Variants in AOAH observed in about 807,000 individuals in gnomAD.
AOAH encodes acyloxyacyl hydrolase (neutrophil).
AOAH carries 64 observed loss-of-function variants against 92.2 expected under a neutral mutation model. The observed-to-expected ratio is 0.69, with a 90% CI of 0.57 to 0.86. The LOEUF (loss-of-function observed/expected upper bound fraction) is 0.86, where lower values mean the gene tolerates loss of function less well. AOAH is among the 40% of genes least tolerant of loss of function. The pLI is 0.00. For synonymous variants in AOAH, 263 were observed against 254.5 expected, an observed-to-expected ratio of 1.03 and a Z score of -0.32; for missense variants, 656 against 694.6, an observed-to-expected ratio of 0.94 and a Z score of 0.62.
At chr7:36,523,477 C>T (rs766668154) in intron 19 of AOAH, among the ~76,000 whole-genome samples, 26 of 152,158 alleles carry the variant, frequency 1.7e-4, no homozygotes, top group Non-Finnish European at 3.5e-4. Flanking sequence ...GCTTAAACAG[C>T]ACTCACTCTC....
intron 2 of AOAH, among the ~76,000 whole-genome samples, chr7:36,678,174 G>A (rs1796377614): frequency 6.6e-6 from 1 of 152,140 alleles, no homozygotes; most frequent in Admixed American, 6.5e-5. Flanking sequence ...TTTTAGGGGT[G>A]CTACTGTGGA....
intron 9 of AOAH, 95 bp downstream of exon 9, chr7:36,620,686 G>T: frequency 8.2e-7 from 1 of 1,223,854 alleles, no homozygotes; most frequent in Non-Finnish European, 1.2e-6. Context: ...GGCTGTCATA[G>T]TCTTCCCTGG....
At chr7:36,710,224 T>G (rs1798674225) in intron 1 of AOAH, among the ~76,000 whole-genome samples, 1 of 152,172 alleles carries the variant, frequency 6.6e-6, no homozygotes, top group Non-Finnish European at 1.5e-5. Context: ...AATTAAGGAC[T>G]CCAATCAGTT....
chr7:36,516,267 C>T lies in AOAH; in HGVS notation c.1600-2887G>A, dbSNP rs929294256. Among the ~76,000 whole-genome samples the T allele has an allele frequency of 4.0e-5, 6 of 150,430 alleles. No homozygotes were observed. The highest frequency in any genetic ancestry group is 1.5e-4 in the African/African-American group (6 of 40,852). ...ACAGATACCACCACATGCACACTCA[C>T]CACATACACATATAACATACACACA... On this transcript the variant is annotated intron_variant, in intron 20 of 20. Coordinates refer to ENST00000617537, the MANE Select transcript of AOAH (RefSeq NM_001637.4). This position sits in a 1 kb window ranked among gnomAD's most constrained non-coding sequence, Gnocchi z 5.0.
chr7:36,583,480 C>T (rs1045849632), intron 12 of AOAH, among the ~76,000 whole-genome samples: 6 of 152,102 alleles, frequency 3.9e-5, no homozygotes, highest in African/African-American at 7.2e-5. Context: ...TAACCCCTAA[C>T]TCACTACATC....
chr7:36,616,346 C>A (rs750081734), intron 11 of AOAH, 34 bp downstream of exon 11: 12 of 1,548,832 alleles, frequency 7.7e-6, no homozygotes, highest in South Asian at 3.4e-5. Flanking sequence ...CAAAGGCCAG[C>A]ACATCTGGAA....
At chr7:36,655,376 C>T (rs1794820059) in intron 4 of AOAH, among the ~76,000 whole-genome samples, 1 of 150,288 alleles carries the variant, frequency 6.7e-6, no homozygotes, top group Non-Finnish European at 1.5e-5. Flanking sequence ...AGAAGGTGAC[C>T]ATTGACATGA....
intron 6 of AOAH, among the ~76,000 whole-genome samples, chr7:36,627,599 C>A (rs11973183): frequency 0.016 from 2,459 of 151,918 alleles, 51 homozygotes; most frequent in African/African-American, 0.056. Context: ...CAATGGGAAC[C>A]CTGATTGCAA....
intron 13 of AOAH, among the ~76,000 whole-genome samples, chr7:36,557,512 C>G (rs1402453078): frequency 6.6e-6 from 1 of 152,062 alleles, no homozygotes; most frequent in Non-Finnish European, 1.5e-5. Context: ...TCTGTATTTC[C>G]TGAATCTGAA....
chr7:36,673,766 G>A (rs1167022680), intron 3 of AOAH, among the ~76,000 whole-genome samples, 177 bp downstream of exon 3: 1 of 152,164 alleles, frequency 6.6e-6, no homozygotes, highest in Non-Finnish European at 1.5e-5. Context: ...TTTGCGTAGA[G>A]TGACGAAGGA....
At chr7:36,671,477 A>G (rs1795920352) in intron 3 of AOAH, among the ~76,000 whole-genome samples, 2 of 152,366 alleles carry the variant, frequency 1.3e-5, no homozygotes, top group South Asian at 4.1e-4. Context: ...AGAAAAGTAA[A>G]TGGATAATTC....
chr7:36,718,348 C>T (rs778020536), intron 1 of AOAH, among the ~76,000 whole-genome samples: 14 of 152,012 alleles, frequency 9.2e-5, no homozygotes, highest in Admixed American at 3.3e-4. Flanking sequence ...TTTCATACAC[C>T]GCTGGTAGAA....
At chr7:36,642,163 A>C (rs1793960228) in intron 4 of AOAH, among the ~76,000 whole-genome samples, 1 of 151,934 alleles carries the variant, frequency 6.6e-6, no homozygotes, top group Non-Finnish European at 1.5e-5. Context: ...TTGATGCAAA[A>C]GTAATTGCGG....
intron 13 of AOAH, among the ~76,000 whole-genome samples, chr7:36,551,131 TG>T (rs1381411658): frequency 1.1e-4 from 17 of 150,266 alleles, no homozygotes; most frequent in Non-Finnish European, 1.2e-4. Context: ...TGGAGTGCAG[TG>T]GTGCGATCTT....
At chr7:36,721,964 C>T (rs940590064) in intron 1 of AOAH, among the ~76,000 whole-genome samples, 13 of 152,116 alleles carry the variant, frequency 8.5e-5, no homozygotes, top group African/African-American at 2.9e-4. Context: ...GTAAGAAAGC[C>T]TACTACCCAA....
intron 18 of AOAH, among the ~76,000 whole-genome samples, chr7:36,531,726 T>C (rs1468809922): frequency 6.6e-6 from 1 of 152,202 alleles, no homozygotes; most frequent in Non-Finnish European, 1.5e-5. Context: ...ATGGATTCCC[T>C]GAGAGAAGGG....
intron 6 of AOAH, among the ~76,000 whole-genome samples, chr7:36,624,805 A>G (rs866501809): frequency 6.6e-6 from 1 of 151,770 alleles, no homozygotes; most frequent in African/African-American, 2.4e-5. Context: ...GCCCCCAGCA[A>G]CCCCGCAGCA....
At chr7:36,711,695 G>A (rs1798779334) in intron 1 of AOAH, among the ~76,000 whole-genome samples, 1 of 152,218 alleles carries the variant, frequency 6.6e-6, no homozygotes, top group Non-Finnish European at 1.5e-5. Context: ...GGCAGTAGCT[G>A]TGTCCAGAGA....
chr7:36,667,191 C>A (rs1795597627), intron 3 of AOAH, among the ~76,000 whole-genome samples: 1 of 152,180 alleles, frequency 6.6e-6, no homozygotes, highest in Non-Finnish European at 1.5e-5. Context: ...AAATAAAAAA[C>A]TCCAGAAAGA....
Sources: allele counts gnomAD v4.1 joint callset (sites outside exome capture counted in the v4.1 genomes callset), GRCh38; gene constraint gnomAD v4.1.1; non-coding constraint Gnocchi (gnomAD v3.1); transcripts MANE v1.5; gene names NCBI Gene and HGNC (gene_info 2026-07-23, HGNC 2026-07-21).